GRM4: variants seen among roughly 807,000 people sequenced by gnomAD.
GRM4 encodes the protein metabotropic glutamate receptor 4.
A neutral mutation model predicts 81.7 loss-of-function variants in GRM4; 28 were observed. The ratio of observed to expected loss-of-function variants is 0.34; its 90% confidence interval spans 0.25 to 0.47. GRM4 has a LOEUF of 0.47. Among genes scored for constraint, GRM4 ranks in the 20% least tolerant of loss-of-function variants. The pLI is 1.00. For missense variants in GRM4, 948 were observed against 1,290.0 expected (o/e 0.73, Z 4.06); for synonymous variants, 488 against 528.8 (o/e 0.92, Z 1.06).
intron 2 of GRM4, among the ~76,000 whole-genome samples, chr6:34,124,741 A>G (rs981865507): frequency 6.6e-6 from 1 of 152,226 alleles, no homozygotes; most frequent in Non-Finnish European, 1.5e-5. Flanking sequence ...CAGTAGGTTC[A>G]GTAAATGAAC....
chr6:34,143,673 G>C (rs113847202), intron 1 of GRM4, among the ~76,000 whole-genome samples: 6,181 of 152,358 alleles, frequency 0.041, 355 homozygotes, highest in African/African-American at 0.12. Flanking sequence ...CCGGGGGAAA[G>C]TGGGGCTAGC....
intron 9 of GRM4, among the ~76,000 whole-genome samples, chr6:34,032,712 A>C (rs1399273871): frequency 6.6e-6 from 1 of 152,094 alleles, no homozygotes; most frequent in Non-Finnish European, 1.5e-5. Flanking sequence ...AGCCTCCTAA[A>C]AAGGCAGGAA....
rs745515815 is a variant in GRM4 at position 34,089,748 on chromosome 6, G to C, written c.736+2135C>G. Among the ~76,000 whole-genome samples, 26 of 151,730 alleles carry C rather than the reference G, an allele frequency of 1.7e-4. No individual in the cohort carries two copies. The highest frequency in any genetic ancestry group is 3.2e-4 in the Non-Finnish European group (22 of 67,948). ...ACCGCCCAATACTTGATTAGATGTT[G>C]ATAAAAAAAAAATTAAACAATAGGC... On this transcript the variant is annotated intron_variant, in intron 3 of 10. Transcript: ENST00000538487. This position sits in a 1 kb window ranked among gnomAD's most constrained non-coding sequence, Gnocchi z 4.3.
chr6:34,145,189 C>G (rs930361402), intron 1 of GRM4, among the ~76,000 whole-genome samples: 11 of 151,704 alleles, frequency 7.3e-5, no homozygotes, highest in Non-Finnish European at 1.3e-4. Flanking sequence ...TCTCGCGGTG[C>G]CCAGAGCCCG....
intron 2 of GRM4, among the ~76,000 whole-genome samples, chr6:34,120,309 G>T (rs1278624364): frequency 6.6e-6 from 1 of 152,100 alleles, no homozygotes; most frequent in African/African-American, 2.4e-5. Context: ...CTGGCCCAGG[G>T]CTGGGAGGTG....
Position 34,059,396 on chromosome 6 carries a change from A to C in GRM4, c.873-268T>G. ...GCCCAGCGTGATTCTCCAGGCCTAC[A>C]TCTGTCCCTGCAAAGACCACACCTC... On this transcript the variant is annotated intron_variant, in intron 4 of 10. Coordinates refer to ENST00000538487, the MANE Select transcript of GRM4 (RefSeq NM_000841.4). The surrounding 1 kb of genome is among the most constrained non-coding windows in gnomAD (Gnocchi z 5.7). 1.4e-5 allele frequency: 7 copies of C among 498,234 alleles called. No homozygotes were observed. The highest frequency in any genetic ancestry group is 1.1e-4 in the East Asian group (3 of 27,960). The allele number at this position is 498,234 out of a possible 1,614,324, so 30.9% of individuals were successfully genotyped here.
rs912347506 is a variant in GRM4 at position 34,058,957 on chromosome 6, C to G, written c.1027+17G>C. 1.2e-6 allele frequency: 2 copies of G among 1,606,650 alleles called. No individual in the cohort carries two copies. Among genetic ancestry groups the G allele is most frequent in the Non-Finnish European group, 1.7e-6 (2 of 1,177,562 alleles). On this transcript the variant is annotated intron_variant, in intron 5 of 10. Coordinates refer to ENST00000538487, the MANE Select transcript of GRM4 (RefSeq NM_000841.4). ...AGTCCAGGATGGTGCCGACCACCTG[C>G]ACCCGCCCAGCCTTACCTCGTACGG...
intron 2 of GRM4, among the ~76,000 whole-genome samples, chr6:34,125,389 G>A (rs982084937): frequency 1.3e-5 from 2 of 152,288 alleles, no homozygotes; most frequent in East Asian, 3.9e-4. Context: ...CAGGGTGGGT[G>A]GGGCGCTCCC....
chr6:34,134,256 C>T (rs1013775785), intron 1 of GRM4, among the ~76,000 whole-genome samples: 1 of 152,188 alleles, frequency 6.6e-6, no homozygotes, highest in African/African-American at 2.4e-5. Flanking sequence ...AGGCCCAGAG[C>T]AGGAGAGCAT....
rs1766648125 is a variant in GRM4 at position 34,069,150 on chromosome 6, G to A, written c.737-7122C>T. Among the ~76,000 whole-genome samples, 1 of 147,136 alleles carries A rather than the reference G, an allele frequency of 6.8e-6. No homozygotes were observed. The highest frequency in any genetic ancestry group is 2.6e-5 in the African/African-American group (1 of 39,134). ...AGGACAGGGGCTGGAAGCTACCCCT[G>A]GACCCTCATGGGCGTATACACACAC... On this transcript the variant is annotated intron_variant, in intron 3 of 10. Coordinates refer to ENST00000538487, the MANE Select transcript of GRM4 (RefSeq NM_000841.4). The surrounding 1 kb of genome is among the most constrained non-coding windows in gnomAD (Gnocchi z 6.4).
chr6:34,131,924 A>T (rs1770251142), intron 2 of GRM4, among the ~76,000 whole-genome samples: 1 of 151,350 alleles, frequency 6.6e-6, no homozygotes, highest in Non-Finnish European at 1.5e-5. Context: ...CCCTCTCCCC[A>T]TTCTCTCCTC....
intron 2 of GRM4, among the ~76,000 whole-genome samples, chr6:34,104,731 A>G (rs1171169999): frequency 6.6e-6 from 1 of 151,946 alleles, no homozygotes; most frequent in Non-Finnish European, 1.5e-5. Flanking sequence ...GTGTTTCCCC[A>G]CCACATCCCT....
At chr6:34,062,072 G>A (rs1447727960) in intron 3 of GRM4, 44 bp from the exon 4 acceptor site, 2 of 1,577,722 alleles carry the variant, frequency 1.3e-6, no homozygotes, top group South Asian at 1.2e-5. Flanking sequence ...AGGGGAACCT[G>A]AGTCTCCCCA....
chr6:34,090,613 C>A lies in GRM4; in HGVS notation c.736+1270G>T, dbSNP rs895603200. On this transcript the variant is annotated intron_variant, in intron 3 of 10. Transcript: ENST00000538487. The surrounding 1 kb of genome is among the most constrained non-coding windows in gnomAD (Gnocchi z 5.2). The stretch of plus-strand genomic sequence containing the variant: ...AGTGGGGAGTAGCCTGGAGCCTCAG[C>A]CATCAGTCAGTGCTGCCCCACTTCC... Among the ~76,000 whole-genome samples, 2 of 152,082 alleles carry A rather than the reference C, an allele frequency of 1.3e-5. No individual in the cohort carries two copies. The highest frequency in any genetic ancestry group is 4.8e-5 in the African/African-American group (2 of 41,372).
At chr6:34,138,642 T>C (rs757754994) in intron 1 of GRM4, among the ~76,000 whole-genome samples, 1 of 152,192 alleles carries the variant, frequency 6.6e-6, no homozygotes, top group Non-Finnish European at 1.5e-5. Flanking sequence ...GGAATCGGGT[T>C]GTCAGAACTG....
intron 6 of GRM4, 123 bp from the exon 7 acceptor site, chr6:34,040,871 G>A: frequency 1.3e-6 from 1 of 767,576 alleles, no homozygotes; most frequent in Non-Finnish European, 2.2e-6. Context: ...TGCATGGCCA[G>A]GCCTCCTGAC....
intron 2 of GRM4, among the ~76,000 whole-genome samples, chr6:34,102,450 T>C (rs1768894052): frequency 6.6e-6 from 1 of 152,088 alleles, no homozygotes; most frequent in Non-Finnish European, 1.5e-5. Context: ...TTGCACTGGC[T>C]GTTCTGCTGC....
rs570292129 is a variant in GRM4, at chr6:34,044,633, G to C, written c.1169-3885C>G. Among the ~76,000 whole-genome samples the C allele has an allele frequency of 4.7e-3, 258 of 54,362 alleles. 2 individuals carry two copies. The highest frequency in any genetic ancestry group is 0.017 in the Middle Eastern group (1 of 60). The allele number at this position is 54,362 out of a possible 152,430, so 35.7% of individuals were successfully genotyped here. On this transcript the variant is annotated intron_variant, in intron 6 of 10. Coordinates refer to ENST00000538487, the MANE Select transcript of GRM4 (RefSeq NM_000841.4). Reference sequence around the variant, plus strand: ...ACATACATACACATATATACACGCAGACACACACACATATACATACATACA... The same window carrying C: ...ACATACATACACATATATACACGCACACACACACACATATACATACATACA...
At position 34,136,891 on chromosome 6, in the gene GRM4, C is replaced by T. The variant is rs1374492848; in HGVS notation, c.-363-3032G>A. 1.3e-5 allele frequency among the ~76,000 whole-genome samples: 2 copies of T among 152,082 alleles called. No individual in the cohort carries two copies. Among genetic ancestry groups the T allele is most frequent in the Non-Finnish European group, 1.5e-5 (1 of 68,012 alleles). ...CAGGAACAAGGGAAAAGTAAAAATA[C>T]CCCATGAGTGAAAGGAGCCACTGAG... is the stretch of plus-strand genomic sequence containing the variant. On this transcript the variant is annotated intron_variant, in intron 1 of 10. Coordinates refer to ENST00000538487, the MANE Select transcript of GRM4 (RefSeq NM_000841.4). This position sits in a 1 kb window ranked among gnomAD's most constrained non-coding sequence, Gnocchi z 4.1.
Sources: gnomAD v4.1 joint callset for allele counts (sites outside exome capture counted in the v4.1 genomes callset) on GRCh38, gnomAD v4.1.1 for gene constraint, Gnocchi (gnomAD v3.1) non-coding constraint, MANE v1.5 for transcripts, NCBI Gene and HGNC (gene_info 2026-07-23, HGNC 2026-07-21) for gene names.